The following CLSTN2 variants were observed in gnomAD, a reference collection of about 807,000 sequenced individuals.
The protein encoded by CLSTN2 is calsyntenin 2.
CLSTN2 carries 48 observed loss-of-function variants against 101.2 expected under a neutral mutation model. The ratio of observed to expected loss-of-function variants is 0.47; its 90% CI spans 0.38 to 0.60. The LOEUF is 0.60. Among genes scored for constraint, CLSTN2 ranks in the 20% least tolerant of loss-of-function variants. The probability of loss-of-function intolerance (pLI) is 0.00; values close to 1 mark genes in which losing one functional copy is unlikely to be tolerated. For missense variants in CLSTN2, 1,160 were observed against 1,238.2 expected (o/e 0.94, Z 0.95); for synonymous variants, 481 against 463.6 (o/e 1.04, Z -0.48).
rs1935232141 is a variant in CLSTN2 at position 139,947,496 on chromosome 3, A to G, written c.109+12013A>G. Among the ~76,000 whole-genome samples, 3 of 152,342 alleles carry G rather than the reference A, an allele frequency of 2.0e-5. No homozygotes were observed. In the South Asian group the frequency reaches 6.2e-4, roughly 32 times the overall value. ...AAGATGCTGGAGAGTGAGAAAAAAT[A>G]TTCACTTTTCAGTTCATGATATTTT... On this transcript the variant is annotated intron_variant, in intron 1 of 16. Coordinates refer to ENST00000458420, the MANE Select transcript of CLSTN2 (RefSeq NM_022131.3).
At chr3:140,175,342 T>C (rs1279835387) in intron 1 of CLSTN2, among the ~76,000 whole-genome samples, 1 of 149,884 alleles carries the variant, frequency 6.7e-6, no homozygotes, top group African/African-American at 2.4e-5. Context: ...ACCAATAATT[T>C]AGACCACTGA....
intron 2 of CLSTN2, among the ~76,000 whole-genome samples, chr3:140,313,181 G>C (rs984252735): frequency 6.6e-6 from 1 of 152,116 alleles, no homozygotes; most frequent in Non-Finnish European, 1.5e-5. Flanking sequence ...ACCATCAGTG[G>C]AACAAATTGT....
At chr3:140,496,087 T>G (rs565693213) in intron 8 of CLSTN2, among the ~76,000 whole-genome samples, 1 of 152,382 alleles carries the variant, frequency 6.6e-6, no homozygotes, top group African/African-American at 2.4e-5. Flanking sequence ...TGATTCTTCC[T>G]ATTCATGATC....
At chr3:140,275,489 C>T (rs937713780) in intron 2 of CLSTN2, among the ~76,000 whole-genome samples, 14 of 152,056 alleles carry the variant, frequency 9.2e-5, no homozygotes, top group African/African-American at 3.4e-4. Context: ...CCAGGCTGGT[C>T]CTGAACTCCT....
chr3:140,189,295 G>A (rs1202324691), intron 2 of CLSTN2, among the ~76,000 whole-genome samples: 1 of 152,182 alleles, frequency 6.6e-6, no homozygotes, highest in Non-Finnish European at 1.5e-5. Context: ...GGGTCATATA[G>A]TAGTTGCCTG....
intron 1 of CLSTN2, among the ~76,000 whole-genome samples, chr3:140,076,685 G>A (rs2008499121): frequency 8.1e-6 from 1 of 124,130 alleles, no homozygotes; most frequent in Admixed American, 1.1e-4. Context: ...TCTCTCTGAA[G>A]TCTTCCCTGG....
At chr3:140,417,146 G>T (rs1023370555) in intron 4 of CLSTN2, among the ~76,000 whole-genome samples, 15 of 152,034 alleles carry the variant, frequency 9.9e-5, no homozygotes, top group Admixed American at 5.9e-4. Flanking sequence ...AATTAGGGCC[G>T]CAATGTCCTT....
At chr3:140,429,250 T>G (rs115556822) in intron 5 of CLSTN2, among the ~76,000 whole-genome samples, 2,818 of 152,168 alleles carry the variant, frequency 0.019, 79 homozygotes, top group African/African-American at 0.063. Flanking sequence ...TACTGTGTGC[T>G]AAAGGCTGGG....
intron 8 of CLSTN2, among the ~76,000 whole-genome samples, chr3:140,491,185 C>T (rs1425750323): frequency 6.6e-6 from 1 of 152,198 alleles, no homozygotes; most frequent in African/African-American, 2.4e-5. Flanking sequence ...CCCCTCCGGC[C>T]TTCTCTTTAC....
chr3:140,410,322 C>G (rs79077757), intron 4 of CLSTN2, among the ~76,000 whole-genome samples: 7,066 of 151,162 alleles, frequency 0.047, 316 homozygotes, highest in African/African-American at 0.12. Context: ...ACATGGGAAC[C>G]TCACTGAAGC....
chr3:140,383,632 G>A (rs948196761), intron 2 of CLSTN2, among the ~76,000 whole-genome samples: 1 of 152,162 alleles, frequency 6.6e-6, no homozygotes, highest in Admixed American at 6.5e-5. Flanking sequence ...GCTGCTGGGG[G>A]CAGGGAATTA....
intron 2 of CLSTN2, among the ~76,000 whole-genome samples, chr3:140,293,530 C>A (rs1326564080): frequency 6.6e-6 from 1 of 151,994 alleles, no homozygotes; most frequent in African/African-American, 2.4e-5. Flanking sequence ...GAGGAATGTC[C>A]CATGATGATC....
chr3:140,208,134 A>AT (rs760020440), intron 2 of CLSTN2, among the ~76,000 whole-genome samples: 1 of 152,102 alleles, frequency 6.6e-6, no homozygotes, highest in African/African-American at 2.4e-5. Context: ...ATGTTTTATC[A>AT]TTTTTTTCAT....
intron 1 of CLSTN2, among the ~76,000 whole-genome samples, chr3:140,107,339 A>C (rs978863440): frequency 1.3e-5 from 2 of 151,210 alleles, no homozygotes; most frequent in African/African-American, 4.9e-5. Flanking sequence ...TCCTGGATCC[A>C]CTCCCTCTCC....
At chr3:140,495,148 T>TA (rs1296362537) in intron 8 of CLSTN2, among the ~76,000 whole-genome samples, 1 of 152,210 alleles carries the variant, frequency 6.6e-6, no homozygotes, top group Admixed American at 6.5e-5. Context: ...TTCTTATTTT[T>TA]AGCCATTCTG....
intron 2 of CLSTN2, among the ~76,000 whole-genome samples, chr3:140,177,451 A>T (rs1311309815): frequency 6.6e-6 from 1 of 152,188 alleles, no homozygotes; most frequent in African/African-American, 2.4e-5. Flanking sequence ...AACAAATATT[A>T]GTAAAAATGT....
chr3:140,156,120 C>G (rs1430895368), intron 1 of CLSTN2, among the ~76,000 whole-genome samples: 1 of 152,140 alleles, frequency 6.6e-6, no homozygotes, highest in Non-Finnish European at 1.5e-5. Context: ...TCTCCTAGGA[C>G]AGGGATAGCA....
intron 1 of CLSTN2, among the ~76,000 whole-genome samples, chr3:140,096,203 T>G (rs922218105): frequency 6.6e-6 from 1 of 152,146 alleles, no homozygotes; most frequent in African/African-American, 2.4e-5. Flanking sequence ...GTCCAGTGGT[T>G]TCATGCTGTC....
intron 1 of CLSTN2, among the ~76,000 whole-genome samples, chr3:140,086,213 C>T (rs929193037): frequency 1.3e-5 from 2 of 152,062 alleles, no homozygotes; most frequent in Non-Finnish European, 2.9e-5. Context: ...AAATGTTGAA[C>T]CTATATCTCT....
Sources: allele counts gnomAD v4.1 joint callset (sites outside exome capture counted in the v4.1 genomes callset), GRCh38; gene constraint gnomAD v4.1.1; transcripts MANE v1.5; gene names NCBI Gene and HGNC (gene_info 2026-07-23, HGNC 2026-07-21).